The following MAP2 variants were observed in gnomAD, a reference collection of about 807,000 sequenced individuals.
MAP2 encodes microtubule-associated protein 2.
MAP2 carries 14 observed loss-of-function variants against 137.6 expected under a neutral mutation model. That is an observed-to-expected ratio of 0.10 (90% CI 0.07 to 0.16). The LOEUF is 0.16. Ranked by LOEUF, MAP2 falls within the 10% of genes least tolerant of loss-of-function variation. The pLI, the probability that MAP2 is intolerant of heterozygous loss-of-function variation, is 1.00. For synonymous variants in MAP2, 786 were observed against 782.3 expected (o/e 1.00, Z -0.08); for missense variants, 2,088 against 2,191.5 (o/e 0.95, Z 0.94).
chr2:209,497,588 A>G (rs2059904041), intron 1 of MAP2, among the ~76,000 whole-genome samples: 1 of 152,216 alleles, frequency 6.6e-6, no homozygotes, highest in Non-Finnish European at 1.5e-5. Flanking sequence ...TCTGCGGGCT[A>G]TACAGGAAAC....
rs766121095 is a variant in MAP2 at position 209,692,725 on chromosome 2, A to C, written c.555A>C (p.Gln185His). The change falls in exon 8 of 16, where the codon CAA becomes CAC. Residue 185 changes from glutamine to histidine, a missense_variant. Physicochemically the swap from Gln to His is conservative, Grantham distance 24 (BLOSUM62 0). Coordinates refer to ENST00000682079, the MANE Select transcript of MAP2 (RefSeq NM_001375505.1). The stretch of plus-strand genomic sequence containing the variant: ...AGAAGGAAAAGGAGTCAGAGAAGCA[A>C]AGTAAGCCTGGTGAAGACCTTAAAC... ...SDQKEKESEK[Q>H]SKPGEDLKHA... 3 of 1,614,052 alleles carry C rather than the reference A, an allele frequency of 1.9e-6. No individual in the cohort carries two copies.
chr2:209,437,450 A>C (rs1240858595), intron 1 of MAP2, among the ~76,000 whole-genome samples: 2 of 151,602 alleles, frequency 1.3e-5, no homozygotes, highest in Non-Finnish European at 3.0e-5. Flanking sequence ...ATAACTGTGA[A>C]TTTTGATTTT....
At chr2:209,448,230 T>C (rs986753463) in intron 1 of MAP2, among the ~76,000 whole-genome samples, 1 of 152,132 alleles carries the variant, frequency 6.6e-6, no homozygotes, top group African/African-American at 2.4e-5. Flanking sequence ...TGTATAAATA[T>C]GTAAAACATA....
At chr2:209,441,194 C>T (rs1156776317) in intron 1 of MAP2, among the ~76,000 whole-genome samples, 1 of 151,432 alleles carries the variant, frequency 6.6e-6, no homozygotes, top group Non-Finnish European at 1.5e-5. Context: ...ATTATATTCA[C>T]CCTTCCTGTA....
chr2:209,441,350 A>G (rs1253681777), intron 1 of MAP2, among the ~76,000 whole-genome samples: 7 of 151,492 alleles, frequency 4.6e-5, no homozygotes, highest in East Asian at 1.9e-4. Context: ...CATCAGGCGT[A>G]TGGATAAAAC....
chr2:209,644,293 T>A (rs2094248785), intron 4 of MAP2, among the ~76,000 whole-genome samples: 1 of 152,204 alleles, frequency 6.6e-6, no homozygotes, highest in Non-Finnish European at 1.5e-5. Context: ...ACTAGACCTC[T>A]ATCACCCCAT....
intron 3 of MAP2, among the ~76,000 whole-genome samples, chr2:209,582,682 GATAGATAGATA>G (rs2076755501): frequency 1.3e-5 from 2 of 151,732 alleles, no homozygotes; most frequent in Non-Finnish European, 2.9e-5. Flanking sequence ...TAGATAGATA[GATAGATAGATA>G]GATAGATAGA....
chr2:209,712,684 C>G (rs1325970552), intron 13 of MAP2, among the ~76,000 whole-genome samples: 4 of 152,122 alleles, frequency 2.6e-5, no homozygotes, highest in Non-Finnish European at 5.9e-5. Flanking sequence ...CACTTCAGCA[C>G]TCTCCCCTTA....
intron 5 of MAP2, among the ~76,000 whole-genome samples, chr2:209,660,702 AT>A (rs2043114146): frequency 1.0e-4 from 2 of 19,786 alleles, no homozygotes; most frequent in Non-Finnish European, 2.2e-4. Flanking sequence ...GCCTGCTGCA[AT>A]TATTATTATT....
chr2:209,482,913 A>C (rs981161591), intron 1 of MAP2, among the ~76,000 whole-genome samples: 1 of 152,204 alleles, frequency 6.6e-6, no homozygotes, highest in Admixed American at 6.5e-5. Context: ...TGTTTTTATG[A>C]AATATTACAG....
At position 209,542,303 on chromosome 2, in the gene MAP2, A is replaced by G. The variant is rs187495017; in HGVS notation, c.-172+34662A>G. 1.6e-3 allele frequency among the ~76,000 whole-genome samples: 240 copies of G among 152,350 alleles called. 2 individuals carry two copies. The highest frequency in any genetic ancestry group is 0.01 in the Middle Eastern group (3 of 294). On this transcript the variant is annotated intron_variant, in intron 2 of 15. Transcript: ENST00000682079. ...AAACAATCCTGTAAACAGATATGCTATCATCCAGGCTTTCCATTTACATCA... is the reference window on the plus strand; with the variant it reads ...AAACAATCCTGTAAACAGATATGCTGTCATCCAGGCTTTCCATTTACATCA...
chr2:209,684,521 C>T (rs2056226098), intron 7 of MAP2: 1 of 152,144 alleles, frequency 6.6e-6, no homozygotes, highest in African/African-American at 2.4e-5. Flanking sequence ...ATGCAGTCTC[C>T]AAAGGAGGCT....
At chr2:209,576,110 T>C (rs907501975) in intron 2 of MAP2, among the ~76,000 whole-genome samples, 9 of 152,108 alleles carry the variant, frequency 5.9e-5, no homozygotes. Context: ...TTAACTAAAT[T>C]TGGGAGTATA....
At chr2:209,674,056 CAGAA>C (rs1358435851) in intron 5 of MAP2, among the ~76,000 whole-genome samples, 1 of 151,598 alleles carries the variant, frequency 6.6e-6, no homozygotes, top group Non-Finnish European at 1.5e-5. Context: ...GGTGTGAAGC[CAGAA>C]AATAAATAAC....
chr2:209,699,404 G>A (rs1330718827), intron 10 of MAP2, among the ~76,000 whole-genome samples: 2 of 152,098 alleles, frequency 1.3e-5, no homozygotes, highest in Non-Finnish European at 2.9e-5. Context: ...AAACACACAA[G>A]CTTGATTATT....
intron 5 of MAP2, among the ~76,000 whole-genome samples, chr2:209,665,079 C>T (rs560170667): frequency 1.5e-4 from 23 of 151,118 alleles, no homozygotes; most frequent in African/African-American, 5.3e-4. Flanking sequence ...TTAAAAGTGT[C>T]GGTTAGAACA....
chr2:209,436,002 T>TATA (rs2149346075), intron 1 of MAP2, among the ~76,000 whole-genome samples: 2 of 69,794 alleles, frequency 2.9e-5, no homozygotes, highest in South Asian at 6.9e-4. Flanking sequence ...ATATACTATA[T>TATA]ATACAGTATA....
intron 1 of MAP2, among the ~76,000 whole-genome samples, chr2:209,489,519 C>T (rs1350731196): frequency 9.2e-5 from 14 of 152,040 alleles, no homozygotes; most frequent in Non-Finnish European, 1.9e-4. Flanking sequence ...TGTTCTAACC[C>T]AATGAAAGGA....
intron 2 of MAP2, among the ~76,000 whole-genome samples, chr2:209,559,479 CAA>C (rs59788211): frequency 0.16 from 5,878 of 37,482 alleles, 115 homozygotes; most frequent in African/African-American, 0.28. Context: ...GCCAAAAATA[CAA>C]AAAAAAAAAA....
Sources: allele counts gnomAD v4.1 joint callset (sites outside exome capture counted in the v4.1 genomes callset), GRCh38; gene constraint gnomAD v4.1.1; transcripts MANE v1.5; gene names NCBI Gene and HGNC (gene_info 2026-07-23, HGNC 2026-07-21).